Variants in PIP5K1B observed in about 807,000 individuals in gnomAD.
PIP5K1B encodes phosphatidylinositol-4-phosphate 5-kinase type 1 beta.
PIP5K1B carries 42 observed loss-of-function variants against 67.0 expected under a neutral mutation model. That is an observed-to-expected ratio of 0.63 (90% confidence interval 0.49 to 0.81). The LOEUF (loss-of-function observed/expected upper bound fraction) is 0.81, where lower values mean the gene tolerates loss of function less well. Ranked by LOEUF, PIP5K1B falls within the 30% of genes least tolerant of loss-of-function variation. The probability of loss-of-function intolerance (pLI) is 0.00; values close to 1 mark genes in which losing one functional copy is unlikely to be tolerated. For synonymous variants in PIP5K1B, 214 were observed against 231.4 expected, an observed-to-expected ratio of 0.92 and a Z score of 0.68; for missense variants, 459 against 646.3, an observed-to-expected ratio of 0.71 and a Z score of 3.14.
chr9:68,780,903 A>G, intron 2 of PIP5K1B: 1 of 1,614,184 alleles, frequency 6.2e-7, no homozygotes, highest in Non-Finnish European at 8.5e-7. Flanking sequence ...CCTTGATGGA[A>G]ACAGCAGCAG....
chr9:68,961,754 A>G (rs10115608), intron 14 of PIP5K1B, among the ~76,000 whole-genome samples: 34,431 of 152,106 alleles, frequency 0.23, 4,651 homozygotes, highest in East Asian at 0.52. Flanking sequence ...CCTTATTTTC[A>G]GTTGGTCCCT....
At chr9:68,981,966 C>A (rs1004016869) in intron 14 of PIP5K1B, among the ~76,000 whole-genome samples, 2 of 152,116 alleles carry the variant, frequency 1.3e-5, no homozygotes, top group Non-Finnish European at 2.9e-5. Flanking sequence ...GGGAAGAGTA[C>A]TGGCAGTTTC....
chr9:68,774,109 A>G (rs948696931), intron 2 of PIP5K1B, among the ~76,000 whole-genome samples: 1 of 152,124 alleles, frequency 6.6e-6, no homozygotes, highest in African/African-American at 2.4e-5. Context: ...AGAAAATAAA[A>G]GGCAATAAAA....
chr9:68,749,012 C>T (rs1829482021), intron 2 of PIP5K1B, among the ~76,000 whole-genome samples: 1 of 152,168 alleles, frequency 6.6e-6, no homozygotes, highest in Admixed American at 6.5e-5. Context: ...CCCGCCTCTA[C>T]CCCTTGTTAG....
At chr9:68,949,509 C>T (rs1419817118) in intron 14 of PIP5K1B, among the ~76,000 whole-genome samples, 1 of 152,216 alleles carries the variant, frequency 6.6e-6, no homozygotes, top group East Asian at 1.9e-4. Context: ...ATTAAGAGGA[C>T]ATAACATGTA....
intron 2 of PIP5K1B, among the ~76,000 whole-genome samples, chr9:68,808,902 C>T (rs1272355430): frequency 6.6e-6 from 1 of 152,126 alleles, no homozygotes; most frequent in Non-Finnish European, 1.5e-5. Context: ...AGTGAAACCT[C>T]ATTTAAATTA....
chr9:68,861,723 G>A (rs932404191), intron 4 of PIP5K1B, among the ~76,000 whole-genome samples: 23 of 152,090 alleles, frequency 1.5e-4, no homozygotes, highest in African/African-American at 4.6e-4. Flanking sequence ...TCTGAGTGAC[G>A]CATGGGAGAA....
At chr9:68,961,024 C>G (rs559663752) in intron 14 of PIP5K1B, among the ~76,000 whole-genome samples, 2 of 151,948 alleles carry the variant, frequency 1.3e-5, no homozygotes, top group African/African-American at 2.4e-5. Flanking sequence ...TCCTGGCTAA[C>G]AAGGTGAAAC....
intron 2 of PIP5K1B, among the ~76,000 whole-genome samples, chr9:68,786,913 A>T (rs1831652768): frequency 6.6e-6 from 1 of 152,158 alleles, no homozygotes; most frequent in Non-Finnish European, 1.5e-5. Flanking sequence ...AAGAGTTTCC[A>T]ACCGGAAGGT....
intron 5 of PIP5K1B, among the ~76,000 whole-genome samples, chr9:68,875,256 C>T (rs76352859): frequency 0.042 from 5,213 of 122,988 alleles, 312 homozygotes; most frequent in African/African-American, 0.14. Context: ...TGGTGCTGAC[C>T]CCTAACAACA....
At chr9:68,917,902 A>G in intron 9 of PIP5K1B, 143 bp downstream of exon 9, 1 of 620,478 alleles carries the variant, frequency 1.6e-6, no homozygotes, top group South Asian at 2.0e-5. Flanking sequence ...ACTGGTCTCC[A>G]TTTCTATTCA....
At chr9:68,881,679 A>G (rs542704696) in intron 6 of PIP5K1B, among the ~76,000 whole-genome samples, 1 of 152,364 alleles carries the variant, frequency 6.6e-6, no homozygotes, top group East Asian at 1.9e-4. Flanking sequence ...ATGTTGAAAC[A>G]TGCATAATTT....
chr9:68,815,995 A>C (rs570169722), intron 2 of PIP5K1B, among the ~76,000 whole-genome samples: 8 of 152,342 alleles, frequency 5.3e-5, no homozygotes, highest in Non-Finnish European at 1.2e-4. Context: ...GAGCTATACT[A>C]TCTTTTCAAA....
chr9:68,954,791 T>G (rs1163113915), intron 14 of PIP5K1B, among the ~76,000 whole-genome samples: 1 of 152,204 alleles, frequency 6.6e-6, no homozygotes, highest in African/African-American at 2.4e-5. Flanking sequence ...CTCCTCTACA[T>G]GTGGGAACAA....
At chr9:68,865,577 G>A (rs561411932) in intron 5 of PIP5K1B, among the ~76,000 whole-genome samples, 19 of 152,274 alleles carry the variant, frequency 1.2e-4, no homozygotes, top group African/African-American at 2.6e-4. Flanking sequence ...CTGAAGGTGG[G>A]GGTATAAAGA....
chr9:68,999,335 A>G (rs1365192080), intron 15 of PIP5K1B, among the ~76,000 whole-genome samples: 2 of 151,960 alleles, frequency 1.3e-5, no homozygotes, highest in African/African-American at 4.8e-5. Flanking sequence ...CCACCCCTCT[A>G]CCTTACCGAG....
chr9:68,839,614 G>A (rs191350457), intron 4 of PIP5K1B, among the ~76,000 whole-genome samples: 1 of 152,272 alleles, frequency 6.6e-6, no homozygotes, highest in African/African-American at 2.4e-5. Flanking sequence ...TTGGCAAAGT[G>A]AATACAACAG....
At position 68,792,077 on chromosome 9, in the gene PIP5K1B, A is replaced by G. The variant is rs536977955; in HGVS notation, c.-85-26384A>G. On this transcript the variant is annotated intron_variant, in intron 2 of 15. Transcript: ENST00000265382. ...ATCTTTCCTGATGGCCCCTGCCTCT[A>G]CAACCACGGTCAGTTAGGTGCTTTC... Among the ~76,000 whole-genome samples the G allele has an allele frequency of 1.1e-3, 175 of 152,338 alleles. 1 individual carries two copies. The highest frequency in any genetic ancestry group is 4.0e-3 in the African/African-American group (166 of 41,574).
At position 68,869,719 on chromosome 9, in the gene PIP5K1B, C is replaced by T. The variant is rs185331187; in HGVS notation, c.200+5752C>T. On this transcript the variant is annotated intron_variant, in intron 5 of 15. Coordinates refer to ENST00000265382, the MANE Select transcript of PIP5K1B (RefSeq NM_003558.4). Reference sequence around the variant, plus strand: ...AAGGCTGGCTGCAGTGGCTCACGCCCGTAATCCCAGCACTTTGGGAGGCCG... The same window carrying T: ...AAGGCTGGCTGCAGTGGCTCACGCCTGTAATCCCAGCACTTTGGGAGGCCG... Among the ~76,000 whole-genome samples, 156 of 152,194 alleles carry T rather than the reference C, an allele frequency of 1.0e-3. 1 individual carries two copies. The highest frequency in any genetic ancestry group is 3.6e-3 in the African/African-American group (149 of 41,506).
Sources: allele counts gnomAD v4.1 joint callset (sites outside exome capture counted in the v4.1 genomes callset), GRCh38; gene constraint gnomAD v4.1.1; transcripts MANE v1.5; gene names NCBI Gene and HGNC (gene_info 2026-07-23, HGNC 2026-07-21).